The following LRCH2 variants were observed in gnomAD, a reference collection of about 807,000 sequenced individuals.
LRCH2 encodes leucine rich repeats and calponin homology domain containing 2.
Under a neutral mutation model 68.9 loss-of-function variants are expected in LRCH2, and 38 were observed. The observed-to-expected ratio is 0.55, with a 90% CI of 0.43 to 0.72. LRCH2 has a LOEUF of 0.72. Among genes scored for constraint, LRCH2 ranks in the 30% least tolerant of loss-of-function variants. LRCH2 has a pLI of 0.00. For synonymous variants in LRCH2, 191 were observed against 208.1 expected (o/e 0.92, Z 0.71); for missense variants, 528 against 572.9 (o/e 0.92, Z 0.80).
chrX:115,217,276 C>T (rs1300615236), intron 1 of LRCH2, among the ~76,000 whole-genome samples: 1 of 111,457 alleles, frequency 9.0e-6, no homozygotes, highest in Non-Finnish European at 1.9e-5. Context: ...ATGGGCAGAA[C>T]GTGCAGGTTT....
At chrX:115,124,998 A>G (rs1209983429) in intron 16 of LRCH2, among the ~76,000 whole-genome samples, 1 of 111,499 alleles carries the variant, frequency 9.0e-6, no homozygotes, top group African/African-American at 3.3e-5. Context: ...ATGTCAGTTG[A>G]GTTACCAAAG....
intron 5 of LRCH2, among the ~76,000 whole-genome samples, chrX:115,179,054 G>A (rs1224251567): frequency 1.8e-5 from 2 of 111,644 alleles, no homozygotes; most frequent in African/African-American, 6.5e-5. Flanking sequence ...CTTGTATTTT[G>A]TTCTTTCTGT....
intron 12 of LRCH2, among the ~76,000 whole-genome samples, chrX:115,155,443 T>C (rs1316758078): frequency 9.1e-6 from 1 of 110,426 alleles, no homozygotes; most frequent in Non-Finnish European, 1.9e-5. Flanking sequence ...ACTTAAAGTA[T>C]AATTTAAAAA....
intron 16 of LRCH2, among the ~76,000 whole-genome samples, chrX:115,124,824 T>C (rs2072172650): frequency 3.6e-5 from 4 of 111,854 alleles, no homozygotes; most frequent in African/African-American, 1.3e-4. Flanking sequence ...ACCTATTTTA[T>C]GGGGCTGCTT....
chrX:115,194,404 A>T (rs2072872371), intron 1 of LRCH2, among the ~76,000 whole-genome samples: 1 of 111,910 alleles, frequency 8.9e-6, no homozygotes, highest in African/African-American at 3.2e-5. Flanking sequence ...AAGTGAAGTC[A>T]CTGTTTTTAG....
chrX:115,163,755 C>T lies in LRCH2; in HGVS notation c.1384G>A (p.Glu462Lys). ...ACTTCCTTCAAATCATCATCCTCTT[C>T]CTCTGCCAGTAACTGTTCTTTCTCA... Reference protein sequence around the residue: ...RLEKEQLLAEEEDDDLKEVTD... With the variant: ...RLEKEQLLAEKEDDDLKEVTD... Residue 462 changes from glutamate (E) to lysine (K), a missense_variant, in exon 11 of 21, where the codon GAA (glutamate) becomes AAA (lysine). Transcript: ENST00000317135. 1 of 1,198,070 alleles carries T rather than the reference C, an allele frequency of 8.3e-7. No homozygotes were observed.
rs781878513 is a variant in LRCH2 at position 115,166,234 on chromosome X, T to C, written c.1086+21A>G. 6 of 1,079,346 alleles carry C rather than the reference T, an allele frequency of 5.6e-6. No homozygotes were observed. In the African/African-American group the frequency reaches 1.1e-4, roughly 20 times the overall value. 89.0% of individuals were successfully genotyped at this position (1,079,346 alleles called of 1,213,427 possible). On this transcript the variant is annotated intron_variant, in intron 7 of 20. Coordinates refer to ENST00000317135, the MANE Select transcript of LRCH2 (RefSeq NM_020871.4). ...TAATAAAATTGTAAAACAGAATGGATCAGCAATAGAAAATACTCACTTCTG... is the reference window on the plus strand; with the variant it reads ...TAATAAAATTGTAAAACAGAATGGACCAGCAATAGAAAATACTCACTTCTG...
chrX:115,210,368 G>A (rs1569517214), intron 1 of LRCH2, among the ~76,000 whole-genome samples: 1 of 112,126 alleles, frequency 8.9e-6, no homozygotes, highest in Non-Finnish European at 1.9e-5. Flanking sequence ...AGCTTGGGCC[G>A]TGGCTTCAGA....
Position 115,111,265 on chromosome X carries a change from T to A in LRCH2, c.*1951A>T, listed in dbSNP as rs1556522645. 9.0e-6 allele frequency: 1 copy of A among 110,960 alleles called. No homozygotes were observed. The highest frequency in any genetic ancestry group is 2.8e-4 in the East Asian group (1 of 3,558). The allele number at this position is 110,960 out of a possible 1,213,427, so 9.1% of individuals were successfully genotyped here. A position where few individuals can be genotyped will look rare whatever the true frequency, so the allele number is the denominator to read the frequency against. On this transcript the variant is annotated 3_prime_UTR_variant, in exon 21 of 21. Coordinates refer to ENST00000317135, the MANE Select transcript of LRCH2 (RefSeq NM_020871.4). ...TGTATTTTCTTTTTAAAGGAATAATTAACTGAAAAGTAACTGAAATGTTAT... is the reference window on the plus strand; with the variant it reads ...TGTATTTTCTTTTTAAAGGAATAATAAACTGAAAAGTAACTGAAATGTTAT...
chrX:115,211,149 T>C (rs149954774), intron 1 of LRCH2, among the ~76,000 whole-genome samples: 7 of 111,934 alleles, frequency 6.3e-5, no homozygotes, highest in Non-Finnish European at 1.3e-4. Flanking sequence ...TGTGAGGACA[T>C]GAGATTTGGG....
At chrX:115,136,053 T>C (rs1185816469) in intron 14 of LRCH2, among the ~76,000 whole-genome samples, 2 of 112,021 alleles carry the variant, frequency 1.8e-5, no homozygotes, top group African/African-American at 6.5e-5. Flanking sequence ...TTTGCTTTAA[T>C]GGCATTGTCT....
Position 115,147,906 on chromosome X carries a change from G to T in LRCH2, c.1695+1921C>A, listed in dbSNP as rs782399836. Among the ~76,000 whole-genome samples the T allele has an allele frequency of 9.5e-4, 105 of 110,684 alleles. 1 individual carries two copies. Among genetic ancestry groups the T allele is most frequent in the Middle Eastern group, 4.6e-3 (1 of 216 alleles). ...ACCTCTACAAAAAATTTTAAAATTTGTAGGGCACTGGGGGACATACCTGTA... is the reference window on the plus strand; with the variant it reads ...ACCTCTACAAAAAATTTTAAAATTTTTAGGGCACTGGGGGACATACCTGTA... On this transcript the variant is annotated intron_variant, in intron 14 of 20. Transcript: ENST00000317135.
chrX:115,146,910 C>T (rs782639997), intron 14 of LRCH2, among the ~76,000 whole-genome samples: 4 of 18,174 alleles, frequency 2.2e-4, no homozygotes, highest in Admixed American at 9.6e-4. Context: ...CATACATACA[C>T]ACACACACAC....
chrX:115,166,368 A>T, intron 6 of LRCH2, 26 bp from the exon 7 acceptor site: 1 of 1,017,911 alleles, frequency 9.8e-7, no homozygotes, highest in Non-Finnish European at 1.4e-6. Context: ...TCCTAAGAGC[A>T]GTTAGGATTT....
Position 115,214,225 on chromosome X carries a change from C to G in LRCH2, c.349+19468G>C, listed in dbSNP as rs143074463. 8.5e-3 allele frequency among the ~76,000 whole-genome samples: 956 copies of G among 112,007 alleles called. 13 individuals are homozygous for G. The highest frequency in any genetic ancestry group is 0.03 in the African/African-American group (924 of 30,894). On this transcript the variant is annotated intron_variant, in intron 1 of 20. Transcript: ENST00000317135. The stretch of plus-strand genomic sequence containing the variant: ...AGCAATTCCTCATCTATTTTTCTAT[C>G]TAAAAGAACTGTTAAGACTAGAAAC...
At chrX:115,210,367 C>T (rs938650805) in intron 1 of LRCH2, among the ~76,000 whole-genome samples, 1 of 111,957 alleles carries the variant, frequency 8.9e-6, no homozygotes, top group Non-Finnish European at 1.9e-5. Flanking sequence ...CAGCTTGGGC[C>T]GTGGCTTCAG....
intron 16 of LRCH2, among the ~76,000 whole-genome samples, 194 bp downstream of exon 16, chrX:115,126,649 A>C (rs1406779378): frequency 1.8e-5 from 2 of 111,685 alleles, no homozygotes; most frequent in Non-Finnish European, 3.8e-5. Context: ...TTTTACCAAA[A>C]AATGGCATTC....
intron 1 of LRCH2, among the ~76,000 whole-genome samples, chrX:115,193,974 G>C (rs1382036462): frequency 1.8e-5 from 2 of 111,388 alleles, no homozygotes; most frequent in East Asian, 5.7e-4. Flanking sequence ...ATCCAGCCTA[G>C]CTCAATGTAC....
intron 1 of LRCH2, among the ~76,000 whole-genome samples, chrX:115,212,315 G>A (rs978868287): frequency 2.7e-5 from 3 of 112,003 alleles, no homozygotes; most frequent in Non-Finnish European, 5.6e-5. Flanking sequence ...TTATAGGAAA[G>A]GAACCTGAGC....
Sources: gnomAD v4.1 joint callset for allele counts (sites outside exome capture counted in the v4.1 genomes callset) on GRCh38, gnomAD v4.1.1 for gene constraint, MANE v1.5 for transcripts, NCBI Gene and HGNC (gene_info 2026-07-23, HGNC 2026-07-21) for gene names.